CXCL13: variants seen among roughly 807,000 people sequenced by gnomAD.
CXCL13 encodes the protein C-X-C motif chemokine ligand 13.
A neutral mutation model predicts 12.2 loss-of-function variants in CXCL13; 7 were observed. The ratio of observed to expected loss-of-function variants is 0.57; its 90% CI spans 0.33 to 1.07. CXCL13 has a LOEUF of 1.07. Ranked by LOEUF, CXCL13 falls within the 50% of genes least tolerant of loss-of-function variation. CXCL13 has a pLI of 0.04. For synonymous variants in CXCL13, 47 were observed against 42.4 expected (o/e 1.11, Z -0.42); for missense variants, 113 against 127.4 (o/e 0.89, Z 0.55).
intron 2 of CXCL13, among the ~76,000 whole-genome samples, chr4:77,609,478 A>G (rs1352422187): frequency 6.6e-6 from 1 of 151,652 alleles, no homozygotes; most frequent in Non-Finnish European, 1.5e-5. Flanking sequence ...ATGCCCAGCT[A>G]GTTTTTTTTA....
intron 1 of CXCL13, among the ~76,000 whole-genome samples, chr4:77,598,650 AGGCAATATAGTAGAGT>A (rs1560537048): frequency 6.6e-6 from 1 of 152,198 alleles, no homozygotes; most frequent in Non-Finnish European, 1.5e-5. Flanking sequence ...AGAAAGGGAG[AGGCAATATAGTAGAGT>A]GGCAGGTTAT....
In CXCL13 at chr4:77,531,436, T is replaced by C. The variant is rs143169054; in HGVS notation, c.-43+19648T>C. Among the ~76,000 whole-genome samples, 24 of 152,084 alleles carry C rather than the reference T, an allele frequency of 1.6e-4. No homozygotes were observed. In the East Asian group the frequency reaches 4.5e-3, roughly 28 times the overall value. On this transcript the variant is annotated intron_variant, in intron 1 of 4. Transcript: ENST00000286758. Reference sequence around the variant, plus strand: ...CAGTTTGTTATAATTTCTGTTCTTCTACATTTGCTGAGGAGTGCTTTACTT... The same window carrying C: ...CAGTTTGTTATAATTTCTGTTCTTCCACATTTGCTGAGGAGTGCTTTACTT...
In CXCL13 at chr4:77,611,040, T is replaced by G. The variant is rs1727137634; in HGVS notation, c.*1T>G. On this transcript the variant is annotated 3_prime_UTR_variant, in exon 4 of 4. Transcript: ENST00000682537. Reference sequence around the variant, plus strand: ...AGTGTTTAAGAGAAAGATTCCCTGATGCTGATATTTCCACTAAGAACACCT... The same window carrying G: ...AGTGTTTAAGAGAAAGATTCCCTGAGGCTGATATTTCCACTAAGAACACCT... 1 of 1,608,828 alleles carries G rather than the reference T, an allele frequency of 6.2e-7. No homozygotes were observed. Among genetic ancestry groups the G allele is most frequent in the Non-Finnish European group, 8.5e-7 (1 of 1,177,764 alleles).
chr4:77,534,729 G>A (rs1029410483), intron 1 of CXCL13, among the ~76,000 whole-genome samples: 1 of 152,162 alleles, frequency 6.6e-6, no homozygotes, highest in Non-Finnish European at 1.5e-5. Context: ...TTTAGTGCAG[G>A]CCTCAGGTGT....
intron 1 of CXCL13, among the ~76,000 whole-genome samples, chr4:77,595,278 T>A (rs1378955346): frequency 6.6e-6 from 1 of 152,156 alleles, no homozygotes; most frequent in Non-Finnish European, 1.5e-5. Context: ...TCCACCACTC[T>A]GAGACACCTT....
At chr4:77,604,853 A>G (rs758397438), upstream of CXCL13, among the ~76,000 whole-genome samples, 1 of 152,200 alleles carries the variant, frequency 6.6e-6, no homozygotes, top group Non-Finnish European at 1.5e-5. Flanking sequence ...TTCTTAGCAG[A>G]TCAGTGGGTC....
At chr4:77,561,984 G>A (rs115404782) in intron 1 of CXCL13, among the ~76,000 whole-genome samples, 2,730 of 152,196 alleles carry the variant, frequency 0.018, 70 homozygotes, top group African/African-American at 0.063. Flanking sequence ...CACTTGGAGC[G>A]GCAAGCAGTG....
chr4:77,603,243 A>C (rs1726930750), upstream of CXCL13, among the ~76,000 whole-genome samples: 1 of 152,224 alleles, frequency 6.6e-6, no homozygotes, highest in Admixed American at 6.5e-5. Flanking sequence ...ATCATATCAC[A>C]AAAGAGTGAA....
At chr4:77,564,276 G>T (rs1725875775) in intron 1 of CXCL13, among the ~76,000 whole-genome samples, 1 of 152,196 alleles carries the variant, frequency 6.6e-6, no homozygotes, top group Admixed American at 6.5e-5. Flanking sequence ...AAGATTTGCT[G>T]CAGAGAGAGT....
At chr4:77,606,731 G>A (rs9884577) in intron 1 of CXCL13, among the ~76,000 whole-genome samples, 12,370 of 152,166 alleles carry the variant, frequency 0.081, 672 homozygotes, top group African/African-American at 0.15. Context: ...GATTTTGAGC[G>A]TAATACAACC....
chr4:77,513,821 A>G (rs1396488542), intron 1 of CXCL13, among the ~76,000 whole-genome samples: 19 of 99,488 alleles, frequency 1.9e-4, no homozygotes, highest in Admixed American at 1.9e-3. Context: ...TTTTTTTTTT[A>G]TACTTTAAGT....
intron 1 of CXCL13, among the ~76,000 whole-genome samples, chr4:77,516,039 G>C (rs573830713): frequency 3.3e-5 from 5 of 152,116 alleles, no homozygotes; most frequent in Non-Finnish European, 7.4e-5. Flanking sequence ...TTTTGTCAAA[G>C]GCCTTTTCTG....
At chr4:77,515,347 G>A (rs1241775209) in intron 1 of CXCL13, among the ~76,000 whole-genome samples, 2 of 152,060 alleles carry the variant, frequency 1.3e-5, no homozygotes, top group Non-Finnish European at 2.9e-5. Context: ...TGTGAAGAAA[G>A]TCATTGGTAG....
intron 1 of CXCL13, among the ~76,000 whole-genome samples, chr4:77,560,938 A>G (rs561085519): frequency 2.0e-5 from 3 of 151,962 alleles, no homozygotes; most frequent in Non-Finnish European, 2.9e-5. Context: ...TATCCTATAT[A>G]TTTGTCACTC....
At chr4:77,600,070 A>G (rs1034915628) in intron 1 of CXCL13, among the ~76,000 whole-genome samples, 9 of 152,070 alleles carry the variant, frequency 5.9e-5, no homozygotes, top group Non-Finnish European at 1.0e-4. Context: ...AAGACTTGGA[A>G]TATTGGAGAT....
At chr4:77,511,882 C>T (rs1461993275) in intron 1 of CXCL13, 10 of 152,088 alleles carry the variant, frequency 6.6e-5, no homozygotes, top group Non-Finnish European at 1.5e-4. Context: ...TGGGGCAGCC[C>T]TCATCTGGAA....
intron 1 of CXCL13, among the ~76,000 whole-genome samples, chr4:77,538,324 TG>T (rs1174235100): frequency 2.0e-5 from 3 of 151,990 alleles, no homozygotes; most frequent in African/African-American, 7.3e-5. Flanking sequence ...TTTTTTTGTT[TG>T]TTTTGGTTTG....
At chr4:77,594,463 T>C (rs1726697236) in intron 1 of CXCL13, among the ~76,000 whole-genome samples, 1 of 152,188 alleles carries the variant, frequency 6.6e-6, no homozygotes, top group Non-Finnish European at 1.5e-5. Flanking sequence ...AATACTTGCA[T>C]CAAAATTACC....
intron 1 of CXCL13, among the ~76,000 whole-genome samples, chr4:77,575,085 AG>A (rs1320252383): frequency 6.6e-6 from 1 of 151,950 alleles, no homozygotes; most frequent in Non-Finnish European, 1.5e-5. Context: ...TAAATTCAAA[AG>A]GTTATTGTAT....
Sources: allele counts gnomAD v4.1 joint callset (sites outside exome capture counted in the v4.1 genomes callset), GRCh38; gene constraint gnomAD v4.1.1; transcripts MANE v1.5; gene names NCBI Gene and HGNC (gene_info 2026-07-23, HGNC 2026-07-21).